NADK2: variants seen among roughly 807,000 people sequenced by gnomAD.
NADK2 encodes the protein NAD kinase domain-containing protein 1, mitochondrial.
Under a neutral mutation model 62.1 loss-of-function variants are expected in NADK2, and 35 were observed. The ratio of observed to expected loss-of-function variants is 0.56; its 90% CI spans 0.43 to 0.75. NADK2 has a LOEUF of 0.75. Ranked by LOEUF, NADK2 falls within the 30% of genes least tolerant of loss-of-function variation. The pLI, the probability that NADK2 is intolerant of heterozygous loss-of-function variation, is 0.00. For missense variants in NADK2, 439 were observed against 561.3 expected (o/e 0.78, Z 2.20); for synonymous variants, 205 against 207.9 (o/e 0.99, Z 0.12).
intron 4 of NADK2, among the ~76,000 whole-genome samples, chr5:36,223,653 C>G (rs1390231587): frequency 6.6e-6 from 1 of 152,058 alleles, no homozygotes; most frequent in Admixed American, 6.5e-5. Context: ...CTAAAATATC[C>G]AGTAGATTCG....
chr5:36,228,362 T>A (rs1747563572), intron 1 of NADK2, among the ~76,000 whole-genome samples: 1 of 152,154 alleles, frequency 6.6e-6, no homozygotes, highest in South Asian at 2.1e-4. Context: ...AATGCTAGAA[T>A]TCAAAAGTGT....
chr5:36,197,657 A>G lies in NADK2; in HGVS notation c.1074T>C (p.Asn358=), dbSNP rs781728435. Residue 358 remains asparagine, a synonymous_variant, in exon 11 of 12, where the codon AAT becomes AAC. Transcript: ENST00000381937. ...TGTAGAGCAGTGATTCATTATATTC[A>G]TTTGTTACTACAAAGAAAAAAAAAT... The part of the protein sequence containing the change: ...LNRELVEKVT[N]EYNESLLYSP... The G allele has an allele frequency of 3.2e-6, 5 of 1,555,204 alleles. No individual in the cohort carries two copies. In the African/African-American group the frequency reaches 5.6e-5, roughly 17 times the overall value.
At chr5:36,216,756 G>C (rs1350420078) in intron 6 of NADK2, among the ~76,000 whole-genome samples, 1 of 152,060 alleles carries the variant, frequency 6.6e-6, no homozygotes, top group Non-Finnish European at 1.5e-5. Flanking sequence ...AAGACTGCTG[G>C]TGAAGACAGT....
chr5:36,231,932 A>AAAATAAAT (rs57966966), intron 1 of NADK2, among the ~76,000 whole-genome samples: 6 of 151,938 alleles, frequency 3.9e-5, no homozygotes, highest in Middle Eastern at 3.4e-3. Context: ...TCTCTCCATT[A>AAAATAAAT]AAATAAATAA....
In NADK2 at chr5:36,241,589, C is replaced by T. The variant is rs189482969; in HGVS notation, c.210G>A (p.Arg70=). The T allele has an allele frequency of 2.0e-6, 3 of 1,525,306 alleles. No homozygotes were observed. In the African/African-American group the frequency reaches 4.3e-5, roughly 22 times the overall value. The allele number at this position is 1,525,306 out of a possible 1,614,324, so 94.5% of individuals were successfully genotyped here. Residue 70 remains arginine (R), a synonymous_variant, in exon 1 of 12, where the codon CGG becomes CGA. Transcript: ENST00000381937. The surrounding 1 kb of genome is among the most constrained non-coding windows in gnomAD (Gnocchi z 4.9). ...GGGTGGTTTTGGCCACCACCACCAC[C>T]CGGGAGGGGCGGAAGCCGCCGTCCG... ...SRADGGFRPS[R]VVVVAKTTRY...
intron 6 of NADK2, chr5:36,212,910 T>A (rs561199870): frequency 1.3e-5 from 2 of 152,228 alleles, no homozygotes; most frequent in Non-Finnish European, 2.9e-5. Context: ...TTGCTCTATG[T>A]GACCAACAGA....
chr5:36,225,583 G>C lies in NADK2; in HGVS notation c.519C>G (p.Asp173Glu), dbSNP rs752958264. 2 of 1,613,840 alleles carry C rather than the reference G, an allele frequency of 1.2e-6. No homozygotes were observed. Among genetic ancestry groups the C allele is most frequent in the East Asian group, 4.5e-5 (2 of 44,864 alleles). ...TTACCCCTATAACTGGTTTAAGTCT[G>C]TCCAAGACTTTACTCGCTGCCAGCA... ...TMLLAASKVL[D>E]RLKPVIGVNT... Residue 173 changes from aspartate (D) to glutamate (E), a missense_variant, in exon 4 of 12, where the codon GAC becomes GAG. Physicochemically the swap from Asp to Glu is conservative, Grantham distance 45. Transcript: ENST00000381937.
intron 8 of NADK2, among the ~76,000 whole-genome samples, chr5:36,203,883 C>T (rs773377077): frequency 2.0e-5 from 3 of 152,050 alleles, no homozygotes; most frequent in Non-Finnish European, 4.4e-5. Context: ...ACTTTTCTTT[C>T]AACTATGTGA....
chr5:36,223,702 G>A (rs1010487828), intron 4 of NADK2, among the ~76,000 whole-genome samples: 6 of 152,122 alleles, frequency 3.9e-5, no homozygotes, highest in African/African-American at 1.4e-4. Context: ...CAAAAGCAAC[G>A]TCAATGAACT....
intron 7 of NADK2, among the ~76,000 whole-genome samples, chr5:36,208,316 C>T (rs1188058667): frequency 6.6e-6 from 1 of 152,004 alleles, no homozygotes; most frequent in South Asian, 2.1e-4. Context: ...TATTTCATAG[C>T]TTTGTTATGT....
intron 4 of NADK2, among the ~76,000 whole-genome samples, chr5:36,220,661 G>A (rs1400910923): frequency 1.3e-5 from 2 of 152,176 alleles, no homozygotes; most frequent in Non-Finnish European, 2.9e-5. Flanking sequence ...GTATATAAAA[G>A]GTATCAACAG....
intron 4 of NADK2, 60 bp downstream of exon 4, chr5:36,225,482 A>C: frequency 7.5e-7 from 1 of 1,337,520 alleles, no homozygotes; most frequent in Non-Finnish European, 1.1e-6. Flanking sequence ...TGTATAACCT[A>C]AAAAAAAACT....
chr5:36,225,472 T>C, intron 4 of NADK2, 70 bp downstream of exon 4: 1 of 1,189,096 alleles, frequency 8.4e-7, no homozygotes, highest in Non-Finnish European at 1.2e-6. Flanking sequence ...AATGCATGTA[T>C]GTATAACCTA....
intron 1 of NADK2, among the ~76,000 whole-genome samples, chr5:36,237,633 T>C (rs1374803636): frequency 5.9e-5 from 9 of 152,202 alleles, no homozygotes; most frequent in Admixed American, 5.9e-4. Flanking sequence ...ATTAACACAG[T>C]TTGAAATTGC....
At position 36,197,628 on chromosome 5, in the gene NADK2, G is replaced by T. The variant is rs368195000; in HGVS notation, c.1103C>A (p.Pro368Gln). 1.9e-6 allele frequency: 3 copies of T among 1,609,044 alleles called. No individual in the cohort carries two copies. ...NEYNESLLYSPEEPKILFSIR... is the reference protein window; with the variant it reads ...NEYNESLLYSQEEPKILFSIR... ...ACTGAAAAGTATTTTTGGTTCTTCC[G>T]GACTGTAGAGCAGTGATTCATTATA... Residue 368 changes from proline to glutamine, a missense_variant, in exon 11 of 12, where the codon CCG becomes CAG. Physicochemically the swap from Pro to Gln is moderately conservative, Grantham distance 76. Transcript: ENST00000381937.
At chr5:36,235,880 G>A (rs1165197052) in intron 1 of NADK2, among the ~76,000 whole-genome samples, 1 of 69,870 alleles carries the variant, frequency 1.4e-5, no homozygotes, top group Non-Finnish European at 3.0e-5. Context: ...GGTTTATTAT[G>A]AAGAAAATAT....
At chr5:36,201,000 G>T (rs1746424899) in intron 9 of NADK2, 106 bp downstream of exon 9, 1 of 870,036 alleles carries the variant, frequency 1.1e-6, no homozygotes, top group African/African-American at 1.7e-5. Context: ...TTAATGCATA[G>T]TATAAGGGTT....
intron 6 of NADK2, among the ~76,000 whole-genome samples, chr5:36,214,620 G>A (rs1431138989): frequency 6.6e-6 from 1 of 152,092 alleles, no homozygotes; most frequent in African/African-American, 2.4e-5. Flanking sequence ...TTATTTCCAG[G>A]TCTACTTGCA....
chr5:36,208,755 G>T (rs1302659501), intron 7 of NADK2: 8 of 1,013,464 alleles, frequency 7.9e-6, no homozygotes, highest in South Asian at 1.5e-5. Context: ...TTAAATCTAA[G>T]AACATTATAA....
Sources: gnomAD v4.1 joint callset for allele counts (sites outside exome capture counted in the v4.1 genomes callset) on GRCh38, gnomAD v4.1.1 for gene constraint, Gnocchi (gnomAD v3.1) non-coding constraint, MANE v1.5 for transcripts, NCBI Gene and HGNC (gene_info 2026-07-23, HGNC 2026-07-21) for gene names.